Variants in PINK1 observed in about 807,000 individuals in gnomAD.
PINK1 encodes the protein serine/threonine-protein kinase PINK1, mitochondrial.
PINK1 carries 58 observed loss-of-function variants against 56.0 expected under a neutral mutation model. That is an observed-to-expected ratio of 1.04 (90% CI 0.84 to 1.29). PINK1 has a LOEUF of 1.29. PINK1 is among the 50% of genes most tolerant of loss of function. The pLI is 0.00. For missense variants in PINK1, 745 were observed against 777.9 expected (o/e 0.96, Z 0.50); for synonymous variants, 354 against 339.3 (o/e 1.04, Z -0.48).
intron 4 of PINK1, 101 bp downstream of exon 4, chr1:20,644,773 C>T: frequency 1.4e-6 from 2 of 1,437,054 alleles, no homozygotes; most frequent in Non-Finnish European, 1.9e-6. Context: ...TTTTGGAGAA[C>T]AGGGTCATCA....
At chr1:20,646,955 C>T (rs2053189806) in intron 5 of PINK1, among the ~76,000 whole-genome samples, 2 of 151,942 alleles carry the variant, frequency 1.3e-5, no homozygotes, top group African/African-American at 2.4e-5. Context: ...TCTCAGCTCA[C>T]TGCAACCTCT....
Position 20,651,427 on chromosome 1 carries a change from T to TCTAACAA in PINK1, c.*741_*742insAACTAAC, listed in dbSNP as rs1553147143. The TCTAACAA allele has an allele frequency of 6.6e-6, 1 of 152,410 alleles. No individual in the cohort carries two copies. Among genetic ancestry groups the TCTAACAA allele is most frequent in the African/African-American group, 2.4e-5 (1 of 41,448 alleles). 9.4% of individuals were successfully genotyped at this position (152,410 alleles called of 1,614,324 possible). On this transcript the variant is annotated 3_prime_UTR_variant, in exon 8 of 8. Coordinates refer to ENST00000321556, the MANE Select transcript of PINK1 (RefSeq NM_032409.3). ...TCAACATTGGGGAAGAGATTTCATG[T>TCTAACAA]CTAACTAACTAACTTTATACATGAT...
Position 20,637,777 on chromosome 1 carries a change from C to T in PINK1, c.388-65C>T, listed in dbSNP as rs2298297. ...CTTGCTGCACCTCTCTCTGCCTCCC[C>T]TGTTTCCCTTTTCTTGGGCCTTCCT... On this transcript the variant is annotated intron_variant, in intron 1 of 7. Coordinates refer to ENST00000321556, the MANE Select transcript of PINK1 (RefSeq NM_032409.3). The T allele has an allele frequency of 3.5e-5, 44 of 1,253,634 alleles. No homozygotes were observed. The African/African-American group carries it at 4.2e-4, about 12-fold the overall frequency. The allele number at this position is 1,253,634 out of a possible 1,614,324, so 77.7% of individuals were successfully genotyped here. A position where few individuals can be genotyped will look rare whatever the true frequency, so the allele number is the denominator to read the frequency against.
intron 3 of PINK1, chr1:20,642,777 C>T (rs2053129828): frequency 6.6e-6 from 1 of 152,324 alleles, no homozygotes; most frequent in South Asian, 2.1e-4. Flanking sequence ...AAGTGATCCT[C>T]CCACCTCAGC....
chr1:20,634,087 A>G, intron 1 of PINK1, 152 bp downstream of exon 1: 1 of 893,562 alleles, frequency 1.1e-6, no homozygotes, highest in Admixed American at 2.7e-5. Flanking sequence ...CTATTTCACC[A>G]TTACTGATCG....
rs1485929970 is a variant in PINK1 at position 20,641,007 on chromosome 1, A to G, written c.776+1015A>G. Among the ~76,000 whole-genome samples, 1 of 152,144 alleles carries G rather than the reference A, an allele frequency of 6.6e-6. No homozygotes were observed. Among genetic ancestry groups the G allele is most frequent in the Non-Finnish European group, 1.5e-5 (1 of 68,022 alleles). On this transcript the variant is annotated intron_variant, in intron 3 of 7. Coordinates refer to ENST00000321556, the MANE Select transcript of PINK1 (RefSeq NM_032409.3). This position sits in a 1 kb window ranked among gnomAD's most constrained non-coding sequence, Gnocchi z 4.0. ...AGCCAAGATCATGCCACTGCACTCC[A>G]GCCTGGGCGACCCTGGAGTGAGACC...
intron 1 of PINK1, among the ~76,000 whole-genome samples, chr1:20,636,443 G>A (rs1408187446): frequency 2.0e-5 from 3 of 151,352 alleles, no homozygotes; most frequent in East Asian, 1.9e-4. Flanking sequence ...CCAGATTCAC[G>A]CAATTCTTCT....
chr1:20,650,678 G>T lies in PINK1; in HGVS notation c.1733G>T (p.Arg578Met). 1.9e-6 allele frequency: 3 copies of T among 1,613,790 alleles called. No homozygotes were observed. Among genetic ancestry groups the T allele is most frequent in the East Asian group, 4.5e-5 (2 of 44,880 alleles). ...GCAGCCCTCCTCCTCTGCTCATGGA[G>T]GGCAGCCCTGTGATGTCCCTGCATG... ...CQAALLLCSW[R>M]AAL is the part of the protein sequence containing the mutation. The change falls in exon 8 of 8, where the codon AGG (arginine) becomes ATG (methionine). Residue 578 changes from arginine to methionine, a missense_variant. Arg to Met is a moderately conservative substitution (Grantham distance 91). Coordinates refer to ENST00000321556, the MANE Select transcript of PINK1 (RefSeq NM_032409.3).
At position 20,644,409 on chromosome 1, in the gene PINK1, T is replaced by A. The variant is rs2053150559; in HGVS notation, c.777-81T>A. ...AGTGAATAATGAATGTCAGTGCCAGTGTTGGTGTGGCCTTAGGTTATTCTT... is the reference window on the plus strand; with the variant it reads ...AGTGAATAATGAATGTCAGTGCCAGAGTTGGTGTGGCCTTAGGTTATTCTT... On this transcript the variant is annotated intron_variant, in intron 3 of 7. Transcript: ENST00000321556. 10 of 1,395,838 alleles carry A rather than the reference T, an allele frequency of 7.2e-6. No homozygotes were observed. The South Asian group carries it at 1.2e-4, about 16-fold the overall frequency. 86.5% of individuals were successfully genotyped at this position (1,395,838 alleles called of 1,614,324 possible).
chr1:20,637,591 C>T (rs967928114), intron 1 of PINK1, among the ~76,000 whole-genome samples: 3 of 152,160 alleles, frequency 2.0e-5, no homozygotes, highest in African/African-American at 7.2e-5. Context: ...GGGTTTCTGA[C>T]CTCTCAGATC....
chr1:20,645,814 T>C (rs778366472), intron 5 of PINK1, 91 bp downstream of exon 5: 4 of 1,016,306 alleles, frequency 3.9e-6, no homozygotes, highest in Non-Finnish European at 4.2e-6. Flanking sequence ...CCTCTCTGGT[T>C]TTGTGTTCTA....
In PINK1 at chr1:20,651,039, G is replaced by A; in HGVS notation, c.*348G>A. The A allele has an allele frequency of 2.6e-6, 1 of 380,372 alleles. No homozygotes were observed. Among genetic ancestry groups the A allele is most frequent in the East Asian group, 6.3e-5 (1 of 15,982 alleles). The allele number at this position is 380,372 out of a possible 1,614,324, so 23.6% of individuals were successfully genotyped here. A position where few individuals can be genotyped will look rare whatever the true frequency, so the allele number is the denominator to read the frequency against. ...CCCTAACACGAGGAACTCGTTTGAA[G>A]GGGGCAGCGTAGCATGTCTGATTTG... On this transcript the variant is annotated 3_prime_UTR_variant, in exon 8 of 8. Transcript: ENST00000321556.
rs1371450657 is a variant in PINK1 at position 20,646,818 on chromosome 1, G to C, written c.1123+1095G>C. Among the ~76,000 whole-genome samples, 32 of 151,880 alleles carry C rather than the reference G, an allele frequency of 2.1e-4. 1 individual carries two copies. The highest frequency in any genetic ancestry group is 2.1e-3 in the Admixed American group (32 of 15,230). On this transcript the variant is annotated intron_variant, in intron 5 of 7. Transcript: ENST00000321556. ...ATACATCTGATAAATTTTTGAACTA[G>C]AAGATTTAAAATAATTGACTAGAGG... is the stretch of plus-strand genomic sequence containing the variant.
rs1163286786 is a variant in PINK1 at position 20,648,530 on chromosome 1, A to C, written c.1149A>C (p.Ala383=). ...DPDGCPWLVI[A]DFGCCLADES... ...ACGGCTGCCCCTGGCTGGTGATCGC[A>C]GATTTTGGCTGCTGCCTGGCTGATG... Residue 383 remains alanine, a synonymous_variant, in exon 6 of 8, where the codon GCA becomes GCC. Transcript: ENST00000321556. 3 of 1,614,120 alleles carry C rather than the reference A, an allele frequency of 1.9e-6. No individual in the cohort carries two copies. In the South Asian group the frequency reaches 3.3e-5, roughly 18 times the overall value.
intron 7 of PINK1, 112 bp from the exon 8 acceptor site, chr1:20,650,322 G>A: frequency 7.2e-7 from 1 of 1,391,412 alleles, no homozygotes; most frequent in African/African-American, 1.4e-5. Flanking sequence ...AGATAGGGTA[G>A]AGGAAGAATT....
At position 20,641,470 on chromosome 1, in the gene PINK1, G is replaced by C. The variant is rs1242784167; in HGVS notation, c.776+1478G>C. Among the ~76,000 whole-genome samples, 1 of 152,148 alleles carries C rather than the reference G, an allele frequency of 6.6e-6. No individual in the cohort carries two copies. Among genetic ancestry groups the C allele is most frequent in the East Asian group, 1.9e-4 (1 of 5,184 alleles). Reference sequence around the variant, plus strand: ...CTTTGTTCCTTTAGCAGTTCTCACTGTCTGGCCTCAAATAACACGTCTTTT... The same window carrying C: ...CTTTGTTCCTTTAGCAGTTCTCACTCTCTGGCCTCAAATAACACGTCTTTT... On this transcript the variant is annotated intron_variant, in intron 3 of 7. Transcript: ENST00000321556. This position sits in a 1 kb window ranked among gnomAD's most constrained non-coding sequence, Gnocchi z 4.0.
intron 3 of PINK1, among the ~76,000 whole-genome samples, chr1:20,643,473 G>A (rs2053138873): frequency 6.6e-6 from 1 of 152,222 alleles, no homozygotes; most frequent in African/African-American, 2.4e-5. Context: ...GCCAACTACT[G>A]TACTAGACTT....
At position 20,633,515 on chromosome 1, in the gene PINK1, G is replaced by A; in HGVS notation, c.-34G>A. ...GGGGGACGCCGGTGGTGGCGGCAGC[G>A]GCGGCTGCGGGGGCACCGGGCCGCG... is the stretch of plus-strand genomic sequence containing the variant. On this transcript the variant is annotated 5_prime_UTR_variant, in exon 1 of 8. Transcript: ENST00000321556. The A allele has an allele frequency of 8.9e-7, 1 of 1,126,122 alleles. No homozygotes were observed. Among genetic ancestry groups the A allele is most frequent in the Non-Finnish European group, 1.1e-6 (1 of 921,230 alleles). 69.8% of individuals were successfully genotyped at this position (1,126,122 alleles called of 1,614,324 possible). A position where few individuals can be genotyped will look rare whatever the true frequency, so the allele number is the denominator to read the frequency against.
chr1:20,648,659 T>C (rs781434836), intron 6 of PINK1, 27 bp downstream of exon 6: 1 of 1,612,054 alleles, frequency 6.2e-7, no homozygotes. Flanking sequence ...TCATGCGCCA[T>C]CGGCAGCCCT....
Sources: allele counts gnomAD v4.1 joint callset (sites outside exome capture counted in the v4.1 genomes callset), GRCh38; gene constraint gnomAD v4.1.1; non-coding constraint Gnocchi (gnomAD v3.1); transcripts MANE v1.5; gene names NCBI Gene and HGNC (gene_info 2026-07-23, HGNC 2026-07-21).